EPHX1: variants seen among roughly 807,000 people sequenced by gnomAD.
EPHX1 encodes the protein epoxide hydratase.
Under a neutral mutation model 43.2 loss-of-function variants are expected in EPHX1, and 40 were observed. That is an observed-to-expected ratio of 0.93 (90% CI 0.72 to 1.21). The LOEUF is 1.21. EPHX1 is among the 50% of genes most tolerant of loss of function. The pLI, the probability that EPHX1 is intolerant of heterozygous loss-of-function variation, is 0.00. For missense variants in EPHX1, 550 were observed against 570.4 expected (o/e 0.96, Z 0.36); for synonymous variants, 221 against 226.7 (o/e 0.98, Z 0.22).
At chr1:225,815,803 G>A (rs1302218609) in intron 1 of EPHX1, among the ~76,000 whole-genome samples, 2 of 152,156 alleles carry the variant, frequency 1.3e-5, no homozygotes, top group South Asian at 2.1e-4. Flanking sequence ...CATGAGGCCC[G>A]GCTTTCAGTG....
At chr1:225,827,431 G>A (rs190027576) in intron 1 of EPHX1, among the ~76,000 whole-genome samples, 21 of 152,310 alleles carry the variant, frequency 1.4e-4, no homozygotes, top group Admixed American at 1.1e-3. Context: ...TACTTCCCTA[G>A]GAATGAGGAA....
At position 225,831,880 on chromosome 1, in the gene EPHX1, C is replaced by T. The variant is rs765952051; in HGVS notation, c.285C>T (p.Ser95=). 1 of 1,614,172 alleles carries T rather than the reference C, an allele frequency of 6.2e-7. No individual in the cohort carries two copies. Among genetic ancestry groups the T allele is most frequent in the South Asian group, 1.1e-5 (1 of 91,088 alleles). ...CCAACTACCTGAAGAAAGTCATCTC[C>T]TACTGGCGGAATGAATTTGACTGGA... ...FNSNYLKKVI[S]YWRNEFDWKK... Residue 95 remains serine (S), a synonymous_variant, in exon 3 of 9, where the codon TCC becomes TCT. Transcript: ENST00000272167.
intron 7 of EPHX1, 35 bp from the exon 8 acceptor site, chr1:225,844,459 GTGGC>G (rs201596741): frequency 0.042 from 68,254 of 1,613,514 alleles, 1,617 homozygotes; most frequent in Middle Eastern, 0.064. Flanking sequence ...ACAACTGCAT[GTGGC>G]ACTGAGAGTG....
chr1:225,831,928 C>G lies in EPHX1; in HGVS notation c.333C>G (p.Asn111Lys). 1 of 1,614,164 alleles carries G rather than the reference C, an allele frequency of 6.2e-7. No homozygotes were observed. Among genetic ancestry groups the G allele is most frequent in the Non-Finnish European group, 8.5e-7 (1 of 1,180,036 alleles). ...FDWKKQVEIL[N>K]RYPHFKTKIE... ...GGAAGAAGCAGGTGGAGATTCTCAA[C>G]AGATACCCTCACTTCAAGACTAAGA... is the stretch of plus-strand genomic sequence containing the variant. Residue 111 changes from asparagine (N) to lysine (K), a missense_variant, in exon 3 of 9, where the codon AAC becomes AAG. By Grantham distance (94) the Asn-to-Lys change is moderately conservative. Transcript: ENST00000272167.
intron 2 of EPHX1, among the ~76,000 whole-genome samples, chr1:225,829,571 T>A (rs1667463062): frequency 1.3e-5 from 2 of 152,002 alleles, no homozygotes; most frequent in Admixed American, 1.3e-4. Flanking sequence ...GAATGCATTC[T>A]CGGGGAGGAG....
chr1:225,820,547 C>T (rs537554908), intron 1 of EPHX1, among the ~76,000 whole-genome samples: 4 of 152,304 alleles, frequency 2.6e-5, no homozygotes, highest in African/African-American at 4.8e-5. Flanking sequence ...CAACTACACT[C>T]GGAAATGTGG....
chr1:225,834,927 A>G (rs1390260751), intron 3 of EPHX1, among the ~76,000 whole-genome samples: 1 of 152,128 alleles, frequency 6.6e-6, no homozygotes, highest in Non-Finnish European at 1.5e-5. Flanking sequence ...TCCCTCCTTC[A>G]CAGCTCATAG....
Position 225,828,762 on chromosome 1 carries a change from G to A in EPHX1, c.33G>A (p.Leu11=). 2 of 1,613,464 alleles carry A rather than the reference G, an allele frequency of 1.2e-6. No individual in the cohort carries two copies. Among genetic ancestry groups the A allele is most frequent in the African/African-American group, 1.3e-5 (1 of 74,852 alleles). ...TAGAAATCCTCCTCACTTCAGTGCT[G>A]GGCTTTGCCATCTACTGGTTCATCT... The part of the protein sequence containing the change: MWLEILLTSV[L]GFAIYWFISR... Residue 11 remains leucine, a synonymous_variant, in exon 2 of 9, where the codon CTG becomes CTA. Transcript: ENST00000272167.
rs777000310 is a variant in EPHX1, at chr1:225,844,540, C to G, written c.1083C>G (p.Tyr361Ter). 1.2e-6 allele frequency: 2 copies of G among 1,614,054 alleles called. No homozygotes were observed. Among genetic ancestry groups the G allele is most frequent in the Admixed American group, 1.7e-5 (1 of 60,010 alleles). ...LDDLLTNVML[Y>*]WTTGTIISSQ... ...ACCTGCTGACCAACGTCATGCTCTACTGGACAACAGGCACCATCATCTCCT... is the reference window on the plus strand; with the variant it reads ...ACCTGCTGACCAACGTCATGCTCTAGTGGACAACAGGCACCATCATCTCCT... Residue 361 changes from tyrosine to a stop codon, truncating the protein, a stop_gained, in exon 8 of 9, where the codon TAC becomes TAG. Transcript: ENST00000272167. LOFTEE classifies it high-confidence loss of function.
intron 1 of EPHX1, among the ~76,000 whole-genome samples, chr1:225,820,300 G>A (rs1434475955): frequency 6.6e-6 from 1 of 152,056 alleles, no homozygotes; most frequent in Non-Finnish European, 1.5e-5. Flanking sequence ...TGTTGGCCAG[G>A]CTGGTCTTGA....
chr1:225,840,190 C>T (rs1420444290), intron 6 of EPHX1, among the ~76,000 whole-genome samples, 153 bp downstream of exon 6: 1 of 152,214 alleles, frequency 6.6e-6, no homozygotes, highest in Non-Finnish European at 1.5e-5. Flanking sequence ...ACTGCATTTT[C>T]CCATAGAATC....
At chr1:225,837,599 C>A (rs977908236) in intron 3 of EPHX1, among the ~76,000 whole-genome samples, 1 of 151,660 alleles carries the variant, frequency 6.6e-6, no homozygotes, top group Non-Finnish European at 1.5e-5. Flanking sequence ...CTCAGTGCAA[C>A]CTCTGCTTCC....
intron 3 of EPHX1, among the ~76,000 whole-genome samples, chr1:225,835,669 A>G (rs1050476798): frequency 6.6e-6 from 1 of 150,710 alleles, no homozygotes; most frequent in Non-Finnish European, 1.5e-5. Context: ...GATTACAGGT[A>G]TGAGCCACGG....
At position 225,826,447 on chromosome 1, in the gene EPHX1, C is replaced by CAAAA. The variant is rs374232833; in HGVS notation, c.-5-2259_-5-2256dup. On this transcript the variant is annotated intron_variant, in intron 1 of 8. Coordinates refer to ENST00000272167, the MANE Select transcript of EPHX1 (RefSeq NM_001136018.4). ...CACTGCACTCTTTGAGACTCTGTCT[C>CAAAA]AAAAAAAAAAAAAAAAAAAAAAGGG... is the stretch of plus-strand genomic sequence containing the variant. Among the ~76,000 whole-genome samples, 10 of 84,160 alleles carry CAAAA rather than the reference C, an allele frequency of 1.2e-4. 1 individual carries two copies. Among genetic ancestry groups the CAAAA allele is most frequent in the African/African-American group, 2.6e-4 (5 of 19,374 alleles). The allele number at this position is 84,160 out of a possible 152,430, so 55.2% of individuals were successfully genotyped here.
At chr1:225,819,225 T>A in intron 1 of EPHX1, among the ~76,000 whole-genome samples, 2 of 35,312 alleles carry the variant, frequency 5.7e-5, no homozygotes, top group Admixed American at 3.7e-4. Context: ...AGACTCCGTC[T>A]CAAAAAAAAA....
chr1:225,832,049 G>A, intron 3 of EPHX1, 90 bp downstream of exon 3: 1 of 1,445,026 alleles, frequency 6.9e-7, no homozygotes, highest in South Asian at 1.2e-5. Context: ...TAAAGTTGGA[G>A]AGATTCAGAA....
intron 3 of EPHX1, among the ~76,000 whole-genome samples, chr1:225,832,381 C>CA (rs894147248): frequency 1.3e-4 from 20 of 152,250 alleles, no homozygotes; most frequent in East Asian, 3.9e-4. Flanking sequence ...ACTAGAAATA[C>CA]AAAAAATAGC....
At chr1:225,831,558 AAG>A (rs1491221140) in intron 2 of EPHX1, among the ~76,000 whole-genome samples, 17 of 52,512 alleles carry the variant, frequency 3.2e-4, no homozygotes, top group African/African-American at 8.9e-4. Context: ...AAAAAAAAAA[AAG>A]AAAAAAGAAA....
At chr1:225,810,349 A>G (rs931557534) in intron 1 of EPHX1, 180 bp downstream of exon 1, 37 of 151,878 alleles carry the variant, frequency 2.4e-4, no homozygotes, top group African/African-American at 8.5e-4. Context: ...TGCCCCGGCC[A>G]GGAGACTGCG....
Sources: allele counts gnomAD v4.1 joint callset (sites outside exome capture counted in the v4.1 genomes callset), GRCh38; gene constraint gnomAD v4.1.1; transcripts MANE v1.5; gene names NCBI Gene and HGNC (gene_info 2026-07-23, HGNC 2026-07-21).